Variants in TMOD3 observed in about 807,000 individuals in gnomAD.
The protein encoded by TMOD3 is tropomodulin 3.
TMOD3 carries 20 observed loss-of-function variants against 39.2 expected under a neutral mutation model. The observed-to-expected ratio is 0.51, with a 90% CI of 0.36 to 0.74. The LOEUF is 0.74. TMOD3 is among the 30% of genes least tolerant of loss of function. The pLI is 0.00. For missense variants in TMOD3, 381 were observed against 412.8 expected, an observed-to-expected ratio of 0.92 and a Z score of 0.67; for synonymous variants, 143 against 145.8, an observed-to-expected ratio of 0.98 and a Z score of 0.14.
Position 51,862,987 on chromosome 15 carries a change from GT to G in TMOD3, c.107del (p.Leu36TrpfsTer84). 1 of 1,613,622 alleles carries G rather than the reference GT, an allele frequency of 6.2e-7. No homozygotes were observed. On this transcript the variant is annotated frameshift_variant, in exon 2 of 10. Transcript: ENST00000308580. LOFTEE classifies it high-confidence loss of function. ...AACAGAACTGAAACAACTGGAAACT[GT>G]TTTGGATGATCTTGACCCCGAGGTA... Reference protein sequence around the residue: ...SETELKQLETVLDDLDPENAL... With the variant: ...SETELKQLETXLDDLDPENAL...
chr15:51,869,126 T>A, intron 2 of TMOD3, 91 bp from the exon 3 acceptor site: 1 of 1,392,874 alleles, frequency 7.2e-7, no homozygotes, highest in Non-Finnish European at 9.8e-7. Context: ...CACATTCCAG[T>A]CTGTAATTCT....
intron 9 of TMOD3, among the ~76,000 whole-genome samples, chr15:51,903,124 C>T (rs190963730): frequency 6.4e-4 from 97 of 152,300 alleles, no homozygotes; most frequent in Non-Finnish European, 1.2e-3. Flanking sequence ...GGTGTTTGCT[C>T]GTCTTCCTAA....
chr15:51,886,280 G>A (rs2056562719), intron 3 of TMOD3, among the ~76,000 whole-genome samples: 1 of 152,218 alleles, frequency 6.6e-6, no homozygotes, highest in Non-Finnish European at 1.5e-5. Flanking sequence ...CCGGGCAGAG[G>A]CTGCAATCTG....
At chr15:51,875,145 T>C (rs1351334955) in intron 3 of TMOD3, 1 of 152,184 alleles carries the variant, frequency 6.6e-6, no homozygotes, top group African/African-American at 2.4e-5. Context: ...TCTGAGTATG[T>C]GATTTCTTTG....
intron 1 of TMOD3, among the ~76,000 whole-genome samples, chr15:51,850,507 T>C (rs1449955110): frequency 6.6e-6 from 1 of 152,016 alleles, no homozygotes; most frequent in Non-Finnish European, 1.5e-5. Context: ...GAGTGAGGGG[T>C]AGGCAGTATT....
At chr15:51,864,181 G>C (rs186267025) in intron 2 of TMOD3, among the ~76,000 whole-genome samples, 4 of 148,824 alleles carry the variant, frequency 2.7e-5, no homozygotes, top group Non-Finnish European at 4.4e-5. Context: ...TATGAGAATT[G>C]CTTGAGCCAG....
At chr15:51,865,859 C>G (rs1326325274) in intron 2 of TMOD3, among the ~76,000 whole-genome samples, 1 of 151,884 alleles carries the variant, frequency 6.6e-6, no homozygotes, top group Admixed American at 6.6e-5. Context: ...CTGCTGTATT[C>G]AGTGTACGTG....
intron 1 of TMOD3, among the ~76,000 whole-genome samples, chr15:51,831,516 T>A (rs1264997193): frequency 1.3e-5 from 2 of 152,242 alleles, no homozygotes; most frequent in African/African-American, 2.4e-5. Flanking sequence ...GACCATACTT[T>A]GAATGTCAAG....
intron 3 of TMOD3, among the ~76,000 whole-genome samples, chr15:51,874,314 A>G (rs549320280): frequency 6.6e-6 from 1 of 152,368 alleles, no homozygotes; most frequent in South Asian, 2.1e-4. Context: ...AATTGAAAGC[A>G]TATGTCAATA....
At chr15:51,877,920 G>T (rs1354360423) in intron 3 of TMOD3, among the ~76,000 whole-genome samples, 1 of 151,858 alleles carries the variant, frequency 6.6e-6, no homozygotes, top group Non-Finnish European at 1.5e-5. Flanking sequence ...GCTCAAGGTA[G>T]TTCCTCACAT....
At position 51,865,652 on chromosome 15, in the gene TMOD3, T is replaced by G. The variant is rs142797106; in HGVS notation, c.126+2642T>G. Among the ~76,000 whole-genome samples the G allele has an allele frequency of 2.0e-5, 3 of 152,300 alleles. No homozygotes were observed. The East Asian group carries it at 5.8e-4, about 29-fold the overall frequency. ...GTTGAGGCTAGGAGAACAGTGATGT[T>G]TATTGACAGCATCTGTTTGTTGGGT... On this transcript the variant is annotated intron_variant, in intron 2 of 9. Transcript: ENST00000308580.
In TMOD3 at chr15:51,829,694, G is replaced by T. The variant is rs1228423844; in HGVS notation, c.-217G>T. 1 of 152,364 alleles carries T rather than the reference G, an allele frequency of 6.6e-6. No individual in the cohort carries two copies. Among genetic ancestry groups the T allele is most frequent in the African/African-American group, 2.4e-5 (1 of 41,460 alleles). The allele number at this position is 152,364 out of a possible 1,614,324, so 9.4% of individuals were successfully genotyped here. On this transcript the variant is annotated 5_prime_UTR_variant, in exon 1 of 10. Coordinates refer to ENST00000308580, the MANE Select transcript of TMOD3 (RefSeq NM_014547.5). ...GCACCTACAGGGCGGTCGAGTGAGG[G>T]AGCTGCTGGCGGGTGGGTCTGGCAA...
intron 1 of TMOD3, among the ~76,000 whole-genome samples, chr15:51,839,415 C>T (rs1016778720): frequency 1.3e-5 from 2 of 152,102 alleles, no homozygotes; most frequent in Non-Finnish European, 2.9e-5. Context: ...AAGCAGTCCT[C>T]CTGCCTTGGC....
rs57976840 is a variant in TMOD3 at position 51,901,572 on chromosome 15, AGTGTGTGT to A, written c.880-287_880-280del. The A allele has an allele frequency of 1.2e-3, 223 of 184,880 alleles. 3 individuals carry two copies. Among genetic ancestry groups the A allele is most frequent in the African/African-American group, 3.0e-3 (119 of 39,614 alleles). The allele number at this position is 184,880 out of a possible 1,614,324, so 11.5% of individuals were successfully genotyped here. On this transcript the variant is annotated intron_variant, in intron 8 of 9. Coordinates refer to ENST00000308580, the MANE Select transcript of TMOD3 (RefSeq NM_014547.5). The stretch of plus-strand genomic sequence containing the variant: ...CATATTACTGAACTTTAAAAAGTTT[AGTGTGTGT>A]GTGTGTGTGTGTGTGTGTGTGTGTG...
intron 1 of TMOD3, among the ~76,000 whole-genome samples, chr15:51,848,504 G>C (rs765113866): frequency 2.0e-5 from 3 of 152,126 alleles, no homozygotes; most frequent in Admixed American, 6.5e-5. Flanking sequence ...ATCTCCAGCC[G>C]GAGATAACTT....
At chr15:51,876,766 G>A (rs1285104812) in intron 3 of TMOD3, among the ~76,000 whole-genome samples, 2 of 151,752 alleles carry the variant, frequency 1.3e-5, no homozygotes, top group Non-Finnish European at 2.9e-5. Context: ...CGGCCCCAGC[G>A]CTTTTTTTAA....
At chr15:51,874,461 A>G (rs1194295875) in intron 3 of TMOD3, among the ~76,000 whole-genome samples, 3 of 152,256 alleles carry the variant, frequency 2.0e-5, no homozygotes. Flanking sequence ...TGCAGAATGT[A>G]TAACTGAGAC....
At chr15:51,881,285 C>T (rs2056532220) in intron 3 of TMOD3, among the ~76,000 whole-genome samples, 1 of 151,876 alleles carries the variant, frequency 6.6e-6, no homozygotes, top group South Asian at 2.1e-4. Flanking sequence ...TACTTTTAAA[C>T]TGGGTTGTCC....
chr15:51,871,725 G>C (rs1044945523), intron 3 of TMOD3, among the ~76,000 whole-genome samples: 1 of 152,112 alleles, frequency 6.6e-6, no homozygotes, highest in African/African-American at 2.4e-5. Context: ...TAGAGGTGAG[G>C]AATATGGGTG....
Sources: allele counts gnomAD v4.1 joint callset (sites outside exome capture counted in the v4.1 genomes callset), GRCh38; gene constraint gnomAD v4.1.1; transcripts MANE v1.5; gene names NCBI Gene and HGNC (gene_info 2026-07-23, HGNC 2026-07-21).